ARSG: variants seen among roughly 807,000 people sequenced by gnomAD.
The protein encoded by ARSG is ASG.
ARSG carries 37 observed loss-of-function variants against 50.5 expected under a neutral mutation model. That is an observed-to-expected ratio of 0.73 (90% confidence interval 0.56 to 0.96). The LOEUF (loss-of-function observed/expected upper bound fraction) is 0.96, where lower values mean the gene tolerates loss of function less well. Among genes scored for constraint, ARSG ranks in the 50% least tolerant of loss-of-function variants. The pLI is 0.00. For synonymous variants in ARSG, 225 were observed against 254.6 expected, an observed-to-expected ratio of 0.88 and a Z score of 1.11; for missense variants, 629 against 675.3, an observed-to-expected ratio of 0.93 and a Z score of 0.76.
the ARSG span, among the ~76,000 whole-genome samples, chr17:68,445,989 G>C: frequency 0.31 from 47,376 of 151,966 alleles, 7,692 homozygotes; most frequent in Middle Eastern, 0.44. Context: ...AGAACCACTG[G>C]TCTCAGCCAG....
chr17:68,331,450 T>C (rs919058775), intron 2 of ARSG, among the ~76,000 whole-genome samples: 2 of 152,124 alleles, frequency 1.3e-5, no homozygotes, highest in Non-Finnish European at 2.9e-5. Flanking sequence ...TTCACCGTGT[T>C]AGCCAGGATG....
Position 68,340,975 on chromosome 17 carries a change from G to A in ARSG, c.219-2629G>A, listed in dbSNP as rs554429566. 1.2e-4 allele frequency among the ~76,000 whole-genome samples: 18 copies of A among 151,946 alleles called. No homozygotes were observed. The East Asian group carries it at 2.3e-3, about 20-fold the overall frequency. Reference sequence around the variant, plus strand: ...TTTACCTTTTACCCTGGAAATCTCGGTTCCTGATTAGGAACATTAATATAA... The same window carrying A: ...TTTACCTTTTACCCTGGAAATCTCGATTCCTGATTAGGAACATTAATATAA... On this transcript the variant is annotated intron_variant, in intron 2 of 11. Coordinates refer to ENST00000621439, the MANE Select transcript of ARSG (RefSeq NM_001267727.2).
chr17:68,338,280 C>G (rs1029825838), intron 2 of ARSG, among the ~76,000 whole-genome samples: 1 of 152,152 alleles, frequency 6.6e-6, no homozygotes, highest in African/African-American at 2.4e-5. Flanking sequence ...CTCAAGGTCT[C>G]TTCTCATGCC....
intron 8 of ARSG, among the ~76,000 whole-genome samples, chr17:68,384,702 T>G (rs2080611973): frequency 6.6e-6 from 1 of 152,154 alleles, no homozygotes; most frequent in African/African-American, 2.4e-5. Context: ...CAACAAAGAT[T>G]TGCTAAGCCC....
chr17:68,291,786 T>G (rs2076003683), intron 1 of ARSG, among the ~76,000 whole-genome samples: 1 of 150,478 alleles, frequency 6.6e-6, no homozygotes, highest in African/African-American at 2.4e-5. Context: ...AGCGCGCGGG[T>G]CCCCGTCCCC....
chr17:68,424,972 A>G (rs2083062888), downstream of ARSG, among the ~76,000 whole-genome samples: 1 of 152,224 alleles, frequency 6.6e-6, no homozygotes. Flanking sequence ...AGCGGTCTAT[A>G]TGTTACTCCA....
chr17:68,304,814 A>G (rs7213561), intron 1 of ARSG, among the ~76,000 whole-genome samples: 32,046 of 152,182 alleles, frequency 0.21, 3,563 homozygotes, highest in African/African-American at 0.27. Context: ...ACAGGAATGA[A>G]CCACAATGCC....
chr17:68,343,410 G>A (rs1016632501), intron 2 of ARSG, among the ~76,000 whole-genome samples, 194 bp from the exon 3 acceptor site: 3 of 152,172 alleles, frequency 2.0e-5, no homozygotes, highest in Admixed American at 2.0e-4. Flanking sequence ...TCCCACCTCG[G>A]CCTCTCAAAG....
intron 11 of ARSG, among the ~76,000 whole-genome samples, chr17:68,414,561 G>T (rs2082251029): frequency 6.6e-6 from 1 of 152,122 alleles, no homozygotes; most frequent in African/African-American, 2.4e-5. Flanking sequence ...ATTAGGGAGG[G>T]TTCCCTCTTT....
intron 11 of ARSG, among the ~76,000 whole-genome samples, chr17:68,418,711 T>G (rs748379262): frequency 2.0e-5 from 3 of 152,300 alleles, no homozygotes; most frequent in Non-Finnish European, 4.4e-5. Context: ...GGAACCATCC[T>G]AATCTCAGTT....
chr17:68,357,353 G>GC (rs1392391941), intron 6 of ARSG, among the ~76,000 whole-genome samples: 1 of 152,170 alleles, frequency 6.6e-6, no homozygotes, highest in Non-Finnish European at 1.5e-5. Flanking sequence ...TTCCTTCCTT[G>GC]CCTTTTCCAG....
At chr17:68,318,093 C>A (rs1267611570) in intron 2 of ARSG, among the ~76,000 whole-genome samples, 10 of 86,554 alleles carry the variant, frequency 1.2e-4, no homozygotes, top group African/African-American at 4.7e-4. Context: ...GAGCGAGACT[C>A]TGTCTTGGAA....
At chr17:68,374,001 C>G (rs978417918) in intron 8 of ARSG, among the ~76,000 whole-genome samples, 2 of 151,528 alleles carry the variant, frequency 1.3e-5, no homozygotes, top group Non-Finnish European at 2.9e-5. Flanking sequence ...ACTAAAAATA[C>G]AAAAAATTAG....
chr17:68,402,184 C>T (rs2081499403), intron 11 of ARSG, among the ~76,000 whole-genome samples: 1 of 152,144 alleles, frequency 6.6e-6, no homozygotes, highest in African/African-American at 2.4e-5. Flanking sequence ...CATGCATGCC[C>T]GTCATTTAGG....
intron 8 of ARSG, among the ~76,000 whole-genome samples, chr17:68,373,652 G>A (rs2079981026): frequency 6.6e-6 from 1 of 152,148 alleles, no homozygotes; most frequent in Admixed American, 6.5e-5. Context: ...GGAGAGCTGA[G>A]TACCACCTCC....
intron 6 of ARSG, among the ~76,000 whole-genome samples, chr17:68,359,180 A>G (rs976859509): frequency 2.6e-5 from 4 of 152,138 alleles, no homozygotes; most frequent in African/African-American, 9.7e-5. Context: ...CAACAACAAC[A>G]ACAACAACAA....
At chr17:68,437,292 C>A in the ARSG span, among the ~76,000 whole-genome samples, 3 of 152,078 alleles carry the variant, frequency 2.0e-5, no homozygotes, top group African/African-American at 7.2e-5. Context: ...AGGTGGCCCA[C>A]ACCTGTGATC....
chr17:68,325,522 A>T (rs73355975), intron 2 of ARSG, among the ~76,000 whole-genome samples: 1 of 152,332 alleles, frequency 6.6e-6, no homozygotes, highest in South Asian at 2.1e-4. Context: ...ACTGTCTTCC[A>T]TGAAACTGGT....
At chr17:68,351,737 C>A in intron 5 of ARSG, 51 bp downstream of exon 5, 1 of 1,239,596 alleles carries the variant, frequency 8.1e-7, no homozygotes, top group Non-Finnish European at 1.2e-6. Context: ...GGCAAAGTTC[C>A]AAGACTGTGG....
Sources: allele counts gnomAD v4.1 joint callset (sites outside exome capture counted in the v4.1 genomes callset), GRCh38; gene constraint gnomAD v4.1.1; transcripts MANE v1.5; gene names NCBI Gene and HGNC (gene_info 2026-07-23, HGNC 2026-07-21).